TMEM232: variants seen among roughly 807,000 people sequenced by gnomAD.
The protein encoded by TMEM232 is transmembrane protein 232.
A neutral mutation model predicts 78.8 loss-of-function variants in TMEM232; 80 were observed. The observed-to-expected ratio is 1.01, with a 90% CI of 0.85 to 1.22. The LOEUF (loss-of-function observed/expected upper bound fraction) is 1.22, where lower values mean the gene tolerates loss of function less well. Among genes scored for constraint, TMEM232 ranks in the 50% most tolerant of loss-of-function variants. The pLI is 0.00. For missense variants in TMEM232, 881 were observed against 742.2 expected (o/e 1.19, Z -2.17); for synonymous variants, 297 against 254.3 (o/e 1.17, Z -1.60).
intron 1 of TMEM232, among the ~76,000 whole-genome samples, chr5:110,691,287 G>T (rs1004834605): frequency 3.9e-5 from 6 of 152,114 alleles, no homozygotes; most frequent in African/African-American, 1.4e-4. Context: ...ACAATGAGCT[G>T]ATACTGAAAT....
intron 10 of TMEM232, among the ~76,000 whole-genome samples, chr5:110,585,991 T>C (rs1317465682): frequency 6.6e-6 from 1 of 152,158 alleles, no homozygotes; most frequent in Non-Finnish European, 1.5e-5. Context: ...TGTTAGATTT[T>C]TCGAACTTCT....
At chr5:110,588,767 T>G (rs1240923393) in intron 10 of TMEM232, among the ~76,000 whole-genome samples, 1 of 152,170 alleles carries the variant, frequency 6.6e-6, no homozygotes, top group Admixed American at 6.6e-5. Flanking sequence ...CTCTGTTGAC[T>G]TTTAAGCAGA....
chr5:110,660,803 A>T (rs1481802294), intron 2 of TMEM232, among the ~76,000 whole-genome samples: 1 of 152,184 alleles, frequency 6.6e-6, no homozygotes, highest in Non-Finnish European at 1.5e-5. Context: ...AATATCCATC[A>T]ATCACCTCAA....
intron 12 of TMEM232, among the ~76,000 whole-genome samples, chr5:110,461,930 C>A (rs1395252382): frequency 6.6e-6 from 1 of 152,178 alleles, no homozygotes; most frequent in African/African-American, 2.4e-5. Context: ...ATTGACAATG[C>A]ACCTAGTTAT....
intron 12 of TMEM232, among the ~76,000 whole-genome samples, chr5:110,500,174 C>T (rs1295674654): frequency 6.6e-6 from 1 of 151,262 alleles, no homozygotes; most frequent in East Asian, 1.9e-4. Flanking sequence ...TGCCTGTAAT[C>T]TCAGCTACTT....
intron 13 of TMEM232, among the ~76,000 whole-genome samples, chr5:110,421,069 A>C (rs991856292): frequency 1.3e-5 from 2 of 152,030 alleles, no homozygotes; most frequent in African/African-American, 4.8e-5. Context: ...TGGTATTTAC[A>C]TGACAGCATG....
chr5:110,415,180 T>G (rs74293794), downstream of TMEM232, among the ~76,000 whole-genome samples: 8 of 87,692 alleles, frequency 9.1e-5, no homozygotes, highest in African/African-American at 1.5e-4. Context: ...AAATCTATCT[T>G]TCTCTCCAAC....
chr5:110,543,226 AG>A (rs1561661308), intron 11 of TMEM232, among the ~76,000 whole-genome samples: 1 of 151,846 alleles, frequency 6.6e-6, no homozygotes, highest in Non-Finnish European at 1.5e-5. Flanking sequence ...CCTCTAAGAC[AG>A]GAGAGGCTAT....
intron 12 of TMEM232, among the ~76,000 whole-genome samples, chr5:110,513,007 G>C (rs536984297): frequency 1.0e-3 from 159 of 152,300 alleles, no homozygotes; most frequent in African/African-American, 3.6e-3. Context: ...TAAGCATAAA[G>C]CTATGGCAGT....
intron 12 of TMEM232, among the ~76,000 whole-genome samples, chr5:110,515,027 A>G (rs545482422): frequency 2.6e-5 from 4 of 152,354 alleles, no homozygotes; most frequent in African/African-American, 9.6e-5. Flanking sequence ...ATGAGGGAGA[A>G]GAAAACAGCA....
chr5:110,424,814 C>A lies in TMEM232; in HGVS notation c.1797+9G>T. 6.5e-7 allele frequency: 1 copy of A among 1,537,748 alleles called. No homozygotes were observed. The highest frequency in any genetic ancestry group is 1.2e-5 in the South Asian group (1 of 81,512). ...CTTTTGCTGCTAGTTAAAAAAAAATCAATCTTACGTGATGGTCAATGATTT... is the reference window on the plus strand; with the variant it reads ...CTTTTGCTGCTAGTTAAAAAAAAATAAATCTTACGTGATGGTCAATGATTT... On this transcript the variant is annotated intron_variant, in intron 13 of 13. Coordinates refer to ENST00000455884, the MANE Select transcript of TMEM232 (RefSeq NM_001039763.4).
downstream of TMEM232, among the ~76,000 whole-genome samples, chr5:110,416,758 A>C (rs535940942): frequency 6.6e-6 from 1 of 152,314 alleles, no homozygotes; most frequent in Non-Finnish European, 1.5e-5. Flanking sequence ...ATAGTTTCTA[A>C]AACTGTTGGT....
At chr5:110,692,376 A>G (rs968801818) in intron 1 of TMEM232, among the ~76,000 whole-genome samples, 7 of 152,232 alleles carry the variant, frequency 4.6e-5, no homozygotes, top group African/African-American at 1.7e-4. Context: ...AAAGTGAGCA[A>G]CGCAGAAGAT....
At chr5:110,398,139 A>G (rs191253735) in intron 2 of TMEM232, among the ~76,000 whole-genome samples, 2 of 152,234 alleles carry the variant, frequency 1.3e-5, no homozygotes, top group Non-Finnish European at 2.9e-5. Context: ...TCTACCCACT[A>G]TTGCAAGGAC....
rs192677442 is a variant in TMEM232 at position 110,651,816 on chromosome 5, C to T, written c.126-9445G>A. The stretch of plus-strand genomic sequence containing the variant: ...GACATGAAGAAACTGTGCTTCAGGT[C>T]GCATAATTACAAAGGGCCAGAAACT... On this transcript the variant is annotated intron_variant, in intron 2 of 13. Transcript: ENST00000455884. Among the ~76,000 whole-genome samples, 16 of 151,948 alleles carry T rather than the reference C, an allele frequency of 1.1e-4. No homozygotes were observed. In the East Asian group the frequency reaches 1.2e-3, roughly 11 times the overall value.
chr5:110,609,429 T>C (rs769397011), intron 8 of TMEM232, among the ~76,000 whole-genome samples: 2 of 152,200 alleles, frequency 1.3e-5, no homozygotes, highest in African/African-American at 4.8e-5. Context: ...TACCCTATTT[T>C]GCATAGAATC....
intron 2 of TMEM232, among the ~76,000 whole-genome samples, chr5:110,660,863 T>C (rs1351609203): frequency 6.6e-6 from 1 of 152,170 alleles, no homozygotes; most frequent in Non-Finnish European, 1.5e-5. Flanking sequence ...ACTCTTTCAG[T>C]AATTTTGAAA....
At chr5:110,459,873 G>A (rs1351926685) in intron 12 of TMEM232, among the ~76,000 whole-genome samples, 4 of 152,070 alleles carry the variant, frequency 2.6e-5, no homozygotes, top group Admixed American at 6.6e-5. Context: ...TCTTGCTGAC[G>A]TTACATAACC....
intron 1 of TMEM232, among the ~76,000 whole-genome samples, chr5:110,682,007 C>A (rs1313131759): frequency 6.6e-6 from 1 of 151,996 alleles, no homozygotes; most frequent in African/African-American, 2.4e-5. Context: ...TAAAATGAGG[C>A]TAAAAATTTT....
Sources: allele counts gnomAD v4.1 joint callset (sites outside exome capture counted in the v4.1 genomes callset), GRCh38; gene constraint gnomAD v4.1.1; transcripts MANE v1.5; gene names NCBI Gene and HGNC (gene_info 2026-07-23, HGNC 2026-07-21).